BSCL2: variants seen among roughly 807,000 people sequenced by gnomAD.
BSCL2 encodes seipin.
Under a neutral mutation model 57.4 loss-of-function variants are expected in BSCL2, and 41 were observed. The observed-to-expected ratio is 0.71, with a 90% CI of 0.56 to 0.93. The LOEUF (loss-of-function observed/expected upper bound fraction) is 0.93. BSCL2 is among the 40% of genes least tolerant of loss of function. The pLI is 0.00. For synonymous variants in BSCL2, 237 were observed against 227.3 expected (o/e 1.04, Z -0.38); for missense variants, 539 against 586.7 (o/e 0.92, Z 0.84).
At chr11:62,696,248 G>C (rs927682538) in intron 3 of BSCL2, among the ~76,000 whole-genome samples, 1 of 150,404 alleles carries the variant, frequency 6.6e-6, no homozygotes. Context: ...GTAGAGACCA[G>C]ATGATTAAGC....
At chr11:62,694,074 A>G (rs1945380745) in intron 4 of BSCL2, among the ~76,000 whole-genome samples, 2 of 151,960 alleles carry the variant, frequency 1.3e-5, no homozygotes, top group South Asian at 4.1e-4. Flanking sequence ...TCGGCCTCCC[A>G]GAGTGTTGGG....
At chr11:62,691,032 T>C in intron 8 of BSCL2, 43 bp downstream of exon 8, 1 of 1,611,614 alleles carries the variant, frequency 6.2e-7, no homozygotes, top group Non-Finnish European at 8.5e-7. Context: ...CCAGCCCAGC[T>C]CAACCTAGCC....
At chr11:62,692,874 CCT>C (rs1157078216) in intron 4 of BSCL2, 77 bp from the exon 5 acceptor site, 7 of 1,589,500 alleles carry the variant, frequency 4.4e-6, no homozygotes, top group Admixed American at 1.7e-5. Context: ...CTCAACCACC[CCT>C]GAGTAGTCTA....
At chr11:62,698,195 C>T (rs1945531155) in intron 3 of BSCL2, among the ~76,000 whole-genome samples, 1 of 150,284 alleles carries the variant, frequency 6.7e-6, no homozygotes, top group South Asian at 2.1e-4. Context: ...GCGTGAGCCA[C>T]CGTGCCCGGC....
In BSCL2 at chr11:62,701,701, G is replaced by A. The variant is rs574287188; in HGVS notation, c.486+767C>T. On this transcript the variant is annotated intron_variant, in intron 3 of 10. Coordinates refer to ENST00000360796, the MANE Select transcript of BSCL2 (RefSeq NM_001122955.4). Reference sequence around the variant, plus strand: ...AAAAAAATTAGCTGGGTGTGGTGGCGCGCTCCTGTAGTGCCAGCTACTCGG... The same window carrying A: ...AAAAAAATTAGCTGGGTGTGGTGGCACGCTCCTGTAGTGCCAGCTACTCGG... Among the ~76,000 whole-genome samples, 42 of 152,032 alleles carry A rather than the reference G, an allele frequency of 2.8e-4. No individual in the cohort carries two copies. The South Asian group carries it at 7.1e-3, about 26-fold the overall frequency.
intron 3 of BSCL2, among the ~76,000 whole-genome samples, chr11:62,699,086 A>C (rs1945559506): frequency 6.6e-6 from 1 of 151,872 alleles, no homozygotes; most frequent in South Asian, 2.1e-4. Flanking sequence ...TTGTATTTTT[A>C]GTAGAGACGG....
upstream of BSCL2, chr11:62,709,495 A>G (rs923892416): frequency 4.4e-6 from 2 of 453,926 alleles, no homozygotes; most frequent in Admixed American, 4.7e-5. Flanking sequence ...GTGCAGTCGT[A>G]CAGCAGAGGA....
chr11:62,703,393 C>T (rs1484647579), intron 2 of BSCL2, among the ~76,000 whole-genome samples: 1 of 148,050 alleles, frequency 6.8e-6, no homozygotes. Flanking sequence ...GCTCTGTCGC[C>T]CAGGCTGGAG....
rs375818964 is a variant in BSCL2 at position 62,705,290 on chromosome 11, G to C, written c.404+11C>G. The C allele has an allele frequency of 2.5e-5, 40 of 1,600,240 alleles. No individual in the cohort carries two copies. The highest frequency in any genetic ancestry group is 1.7e-4 in the Middle Eastern group (1 of 6,022). On this transcript the variant is annotated intron_variant, in intron 2 of 10. Coordinates refer to ENST00000360796, the MANE Select transcript of BSCL2 (RefSeq NM_001122955.4). ...TAGGAGTCCTCTATTTTGATAGAAG[G>C]CCCCTCTCACCTGTAGTAGAAATGC...
chr11:62,694,681 T>C lies in BSCL2; in HGVS notation c.517A>G (p.Thr173Ala). The change falls in exon 4 of 11, where the codon ACC becomes GCC. Residue 173 changes from threonine to alanine, a missense_variant. Physicochemically the swap from Thr to Ala is moderately conservative, Grantham distance 58 (BLOSUM62 0). This residue lies in a region of BSCL2 where 218 missense variants were observed against 224.8 expected (regional missense o/e 0.97). Transcript: ENST00000360796. ...VLMYGQPYRVTLELELPESPV... is the reference protein window; with the variant it reads ...VLMYGQPYRVALELELPESPV... The stretch of plus-strand genomic sequence containing the variant: ...GACTCTGGCAGCTCAAGCTCTAAGG[T>C]AACACGATACGGCTGTCCATACATC... The C allele has an allele frequency of 6.2e-7, 1 of 1,614,072 alleles. No homozygotes were observed. The highest frequency in any genetic ancestry group is 1.1e-5 in the South Asian group (1 of 91,070).
At chr11:62,709,033 G>A (rs1279222617), upstream of BSCL2, 9 of 533,510 alleles carry the variant, frequency 1.7e-5, no homozygotes, top group Non-Finnish European at 3.1e-5. Flanking sequence ...GGCACCCTTT[G>A]CTCCACCCAC....
chr11:62,692,811 G>A lies in BSCL2; in HGVS notation c.631-14C>T, dbSNP rs747877864. The A allele has an allele frequency of 3.1e-6, 5 of 1,612,606 alleles. No individual in the cohort carries two copies. The Admixed American group carries it at 6.7e-5, about 21-fold the overall frequency. On this transcript the variant is annotated splice_polypyrimidine_tract_variant and intron_variant, in intron 4 of 10. Transcript: ENST00000360796. ...ATGCAGCATCACCTGCCGGGGGTGGGAAGCAGAGGCTGGGGACAGGTGCAT... is the reference window on the plus strand; with the variant it reads ...ATGCAGCATCACCTGCCGGGGGTGGAAAGCAGAGGCTGGGGACAGGTGCAT...
At position 62,690,363 on chromosome 11, in the gene BSCL2, T is replaced by C; in HGVS notation, c.*4A>G. The C allele has an allele frequency of 1.2e-6, 2 of 1,613,854 alleles. No homozygotes were observed. Among genetic ancestry groups the C allele is most frequent in the South Asian group, 2.2e-5 (2 of 91,064 alleles). ...CTGGAATGTGAGGAGTCTGCCCCTT[T>C]TCTTCAGGAACTAGAGCAGGTGGGG... On this transcript the variant is annotated 3_prime_UTR_variant, in exon 11 of 11. Transcript: ENST00000360796.
chr11:62,703,400 G>A (rs1442313747), intron 2 of BSCL2, among the ~76,000 whole-genome samples: 1 of 144,624 alleles, frequency 6.9e-6, no homozygotes, highest in African/African-American at 2.6e-5. Context: ...CGCCCAGGCT[G>A]GAGTGCAGTG....
rs1383028616 is a variant in BSCL2 at position 62,690,469 on chromosome 11, A to AGCAGGC, written c.1281_1286dup (p.Pro432_Ala433dup). On this transcript the variant is annotated inframe_insertion, in exon 11 of 11. Coordinates refer to ENST00000360796, the MANE Select transcript of BSCL2 (RefSeq NM_001122955.4). Reference sequence around the variant, plus strand: ...GGGCAGAAGCAGAAGCAGGAGCAGGAGCAGGCAGGTTGGCCTCCGTCAGCA... The same window carrying AGCAGGC: ...GGGCAGAAGCAGAAGCAGGAGCAGGAGCAGGCGCAGGCAGGTTGGCCTCCGTCAGCA... The AGCAGGC allele has an allele frequency of 6.2e-7, 1 of 1,614,052 alleles. No homozygotes were observed. The highest frequency in any genetic ancestry group is 1.3e-5 in the African/African-American group (1 of 74,920).
rs990055355 is a variant in BSCL2, at chr11:62,705,394, A to T, written c.311T>A (p.Leu104His). Residue 104 changes from leucine to histidine, a missense_variant, in exon 2 of 11, where the codon CTT becomes CAT. Leu to His is a moderately conservative substitution (Grantham distance 99). This residue lies in a region of BSCL2 where 218 missense variants were observed against 224.8 expected (regional missense o/e 0.97). Coordinates refer to ENST00000360796, the MANE Select transcript of BSCL2 (RefSeq NM_001122955.4). ...GAGGAAGACAGACACCCAGAGCAAA[A>T]GGAGGATGGTGCAGAAGAGCACCCC... ...QFGVLFCTIL[L>H]LLWVSVFLYG... 1.6e-5 allele frequency: 26 copies of T among 1,614,170 alleles called. No homozygotes were observed. Among genetic ancestry groups the T allele is most frequent in the Non-Finnish European group, 2.2e-5 (26 of 1,180,008 alleles).
chr11:62,708,413 G>A, upstream of BSCL2: 1 of 1,559,738 alleles, frequency 6.4e-7, no homozygotes. Context: ...GACCCTGGCT[G>A]GCTCCCATTA....
upstream of BSCL2, chr11:62,707,606 C>T: frequency 3.8e-6 from 2 of 531,546 alleles, no homozygotes; most frequent in South Asian, 2.1e-5. Context: ...TGGGGGTGTG[C>T]GCAGGGATGC....
Position 62,705,491 on chromosome 11 carries a change from G to A in BSCL2, c.214C>T (p.Pro72Ser). Residue 72 changes from proline (P) to serine (S), a missense_variant, in exon 2 of 11, where the codon CCT becomes TCT. By Grantham distance (74) the Pro-to-Ser change is moderately conservative. Transcript: ENST00000360796. Reference sequence around the variant, plus strand: ...ACCTCCTGGGCCCACAGTAAGGCAGGTACTGGAGGGTCGTTGACCATGGCC... The same window carrying A: ...ACCTCCTGGGCCCACAGTAAGGCAGATACTGGAGGGTCGTTGACCATGGCC... ...LPAMVNDPPV[P>S]ALLWAQEVGQ... 1 of 1,614,214 alleles carries A rather than the reference G, an allele frequency of 6.2e-7. No individual in the cohort carries two copies.
Sources: allele counts gnomAD v4.1 joint callset (sites outside exome capture counted in the v4.1 genomes callset), GRCh38; gene constraint gnomAD v4.1.1; regional missense constraint gnomAD v4.1.1; transcripts MANE v1.5; gene names NCBI Gene and HGNC (gene_info 2026-07-23, HGNC 2026-07-21).